Variants in MDN1 observed in about 807,000 individuals in gnomAD.
MDN1 encodes midasin AAA ATPase 1, also known as midasin.
MDN1 carries 266 observed loss-of-function variants against 669.2 expected under a neutral mutation model. That is an observed-to-expected ratio of 0.40 (90% CI 0.36 to 0.44). The LOEUF is 0.44. Ranked by LOEUF, MDN1 falls within the 20% of genes least tolerant of loss-of-function variation. The pLI, the probability that MDN1 is intolerant of heterozygous loss-of-function variation, is 1.00. For synonymous variants in MDN1, 2,385 were observed against 2,457.1 expected (o/e 0.97, Z 0.87); for missense variants, 5,940 against 6,754.0 (o/e 0.88, Z 4.22).
intron 69 of MDN1, among the ~76,000 whole-genome samples, 195 bp from the exon 70 acceptor site, chr6:89,686,168 T>C (rs149625307): frequency 0.015 from 2,212 of 152,310 alleles, 32 homozygotes; most frequent in Non-Finnish European, 0.021. Flanking sequence ...CTCACGCCTG[T>C]AATCCCAGCA....
chr6:89,751,729 A>G, intron 22 of MDN1, 147 bp from the exon 23 acceptor site: 1 of 867,158 alleles, frequency 1.2e-6, no homozygotes, highest in Non-Finnish European at 1.7e-6. Flanking sequence ...TGAACATAAA[A>G]TTATGAGGAA....
In MDN1 at chr6:89,784,218, A is replaced by G. The variant is rs561693430; in HGVS notation, c.1449+794T>C. ...TGTAATCCCAGGTACTTGGGAGGCTAAGGCATGAGAATTGCTTGAACCAGG... is the reference window on the plus strand; with the variant it reads ...TGTAATCCCAGGTACTTGGGAGGCTGAGGCATGAGAATTGCTTGAACCAGG... On this transcript the variant is annotated intron_variant, in intron 9 of 101. Coordinates refer to ENST00000369393, the MANE Select transcript of MDN1 (RefSeq NM_014611.3). 2.6e-5 allele frequency among the ~76,000 whole-genome samples: 4 copies of G among 152,116 alleles called. No homozygotes were observed. In the East Asian group the frequency reaches 7.7e-4, roughly 29 times the overall value.
Position 89,819,432 on chromosome 6 carries a change from CG to C in MDN1, c.102+73del, listed in dbSNP as rs1053301966. The stretch of plus-strand genomic sequence containing the variant: ...CCCCACTTAAAGCGGCGAGTATCGG[CG>C]GGGGAGCGCAGGAAGCTTACTAGTG... On this transcript the variant is annotated intron_variant, in intron 1 of 101. Transcript: ENST00000369393. 3 of 1,353,016 alleles carry C rather than the reference CG, an allele frequency of 2.2e-6. No individual in the cohort carries two copies. The Admixed American group carries it at 5.3e-5, about 24-fold the overall frequency. The allele number at this position is 1,353,016 out of a possible 1,614,324, so 83.8% of individuals were successfully genotyped here. A position where few individuals can be genotyped will look rare whatever the true frequency, so the allele number is the denominator to read the frequency against.
At chr6:89,783,930 C>G (rs535771385) in intron 9 of MDN1, among the ~76,000 whole-genome samples, 24 of 148,312 alleles carry the variant, frequency 1.6e-4, no homozygotes, top group African/African-American at 5.0e-4. Flanking sequence ...TGCAGCGAGC[C>G]AAGATCGTGC....
At chr6:89,813,326 G>A (rs1482013291) in intron 1 of MDN1, among the ~76,000 whole-genome samples, 1 of 152,096 alleles carries the variant, frequency 6.6e-6, no homozygotes, top group Non-Finnish European at 1.5e-5. Context: ...GAGGCAGGAG[G>A]ATCACCTGAG....
At chr6:89,792,790 G>A (rs1441485725) in intron 5 of MDN1, among the ~76,000 whole-genome samples, 1 of 151,712 alleles carries the variant, frequency 6.6e-6, no homozygotes, top group African/African-American at 2.4e-5. Context: ...TCACGCTGAG[G>A]CAGGGGGTCA....
chr6:89,692,337 G>A (rs1812425372), intron 63 of MDN1, 106 bp downstream of exon 63: 2 of 987,826 alleles, frequency 2.0e-6, no homozygotes, highest in Non-Finnish European at 2.9e-6. Context: ...ACGCCCCAAC[G>A]ACACTGTGTA....
chr6:89,662,767 G>C (rs748912680), intron 86 of MDN1, 25 bp downstream of exon 86: 9 of 1,611,842 alleles, frequency 5.6e-6, no homozygotes, highest in African/African-American at 1.3e-5. Context: ...CAGCTTGTTT[G>C]GGAGGGGAGA....
chr6:89,684,302 C>A (rs1371158048), intron 71 of MDN1, among the ~76,000 whole-genome samples: 1 of 151,670 alleles, frequency 6.6e-6, no homozygotes. Context: ...GAGATCGTGC[C>A]ACTGCACTCC....
intron 11 of MDN1, among the ~76,000 whole-genome samples, chr6:89,779,718 G>A (rs1818558007): frequency 6.6e-6 from 1 of 152,122 alleles, no homozygotes. Context: ...CACAAAACAT[G>A]TATTACATTC....
chr6:89,815,066 G>C (rs1486554522), intron 1 of MDN1: 2 of 475,020 alleles, frequency 4.2e-6, no homozygotes, highest in African/African-American at 4.0e-5. Context: ...GGAGAGCAGT[G>C]TCTCCCCAAC....
At chr6:89,781,686 G>T (rs1229332058) in intron 9 of MDN1, 94 bp from the exon 10 acceptor site, 13 of 1,120,356 alleles carry the variant, frequency 1.2e-5, no homozygotes, top group Non-Finnish European at 1.6e-5. Flanking sequence ...GCCAAAAATT[G>T]TATTTCTCTA....
chr6:89,767,691 C>T (rs754803083), intron 15 of MDN1, among the ~76,000 whole-genome samples: 1 of 151,942 alleles, frequency 6.6e-6, no homozygotes, highest in Non-Finnish European at 1.5e-5. Context: ...AGGAGGCAGG[C>T]GTTGTAGTGA....
In MDN1 at chr6:89,658,802, T is replaced by C. The variant is rs766067884; in HGVS notation, c.14829A>G (p.Glu4943=). ...CTGCCTTGTCATCTTCACTGGGGCCTTCCTCAGGCTCCTGTGGACTCTGAC... is the reference window on the plus strand; with the variant it reads ...CTGCCTTGTCATCTTCACTGGGGCCCTCCTCAGGCTCCTGTGGACTCTGAC... ...NESQSPQEPE[E]GPSEDDKAEG... Residue 4943 remains glutamate (E), a synonymous_variant, in exon 89 of 102, where the codon GAA becomes GAG. Coordinates refer to ENST00000369393, the MANE Select transcript of MDN1 (RefSeq NM_014611.3). 1.2e-6 allele frequency: 2 copies of C among 1,614,188 alleles called. No individual in the cohort carries two copies. Among genetic ancestry groups the C allele is most frequent in the South Asian group, 2.2e-5 (2 of 91,076 alleles).
intron 96 of MDN1, among the ~76,000 whole-genome samples, 174 bp from the exon 97 acceptor site, chr6:89,650,372 A>G (rs998842066): frequency 6.6e-6 from 1 of 152,214 alleles, no homozygotes; most frequent in African/African-American, 2.4e-5. Context: ...CTCTAGCCAG[A>G]AAAACTGGAC....
Position 89,644,056 on chromosome 6 carries a change from G to A in MDN1, c.16740C>T (p.Ser5580=), listed in dbSNP as rs781382254. 1.2e-5 allele frequency: 19 copies of A among 1,613,864 alleles called. No individual in the cohort carries two copies. Among genetic ancestry groups the A allele is most frequent in the Non-Finnish European group, 1.6e-5 (19 of 1,179,964 alleles). ...RDVNALPETL[S]DALRQWFELV... ...ACTCAAACCACTGTCTGAGGGCATC[G>A]CTGAGTGTCTCAGGAAGTGCGTTTA... Residue 5580 remains serine, a synonymous_variant, in exon 102 of 102, where the codon AGC becomes AGT. Transcript: ENST00000369393.
At chr6:89,669,681 T>C (rs1810498073) in intron 83 of MDN1, among the ~76,000 whole-genome samples, 1 of 152,222 alleles carries the variant, frequency 6.6e-6, no homozygotes, top group Non-Finnish European at 1.5e-5. Context: ...CAAAAATGCA[T>C]ATTAGTATAG....
rs749410943 is a variant in MDN1 at position 89,690,035 on chromosome 6, T to C, written c.10858A>G (p.Met3620Val). The C allele has an allele frequency of 9.3e-6, 15 of 1,614,224 alleles. No individual in the cohort carries two copies. Among genetic ancestry groups the C allele is most frequent in the Non-Finnish European group, 1.2e-5 (14 of 1,180,032 alleles). ...TGGTGTATCAGCATTACTGCCTGCA[T>C]TGAATTCTGGGAGAGGAGAGCTGGG... is the stretch of plus-strand genomic sequence containing the variant. ...TNPALLSQNS[M>V]QAVMLIHQQL... Residue 3620 changes from methionine to valine, a missense_variant, in exon 65 of 102, where the codon ATG becomes GTG. Around this residue, in one of 5 missense-constraint regions of MDN1, gnomAD observed 2,280 missense variants for 2,576.3 expected, o/e 0.88. Transcript: ENST00000369393.
intron 67 of MDN1, 145 bp from the exon 68 acceptor site, chr6:89,687,583 G>A (rs1270898029): frequency 3.0e-6 from 2 of 668,770 alleles, no homozygotes; most frequent in Admixed American, 2.7e-5. Context: ...AATTTACAGT[G>A]TATCAGCTTC....
Sources: gnomAD v4.1 joint callset for allele counts (sites outside exome capture counted in the v4.1 genomes callset) on GRCh38, gnomAD v4.1.1 for gene constraint, gnomAD v4.1.1 regional missense constraint, MANE v1.5 for transcripts, NCBI Gene and HGNC (gene_info 2026-07-23, HGNC 2026-07-21) for gene names.